RNLS: variants seen among roughly 807,000 people sequenced by gnomAD.
RNLS encodes renalase.
RNLS carries 39 observed loss-of-function variants against 39.8 expected under a neutral mutation model. That is an observed-to-expected ratio of 0.98 (90% CI 0.76 to 1.28). RNLS has a LOEUF of 1.28. Among genes scored for constraint, RNLS ranks in the 50% most tolerant of loss-of-function variants. The pLI is 0.00. For missense variants in RNLS, 410 were observed against 413.3 expected (o/e 0.99, Z 0.07); for synonymous variants, 147 against 150.7 (o/e 0.98, Z 0.18).
intron 4 of RNLS, among the ~76,000 whole-genome samples, chr10:88,394,507 CCA>C (rs1322520574): frequency 2.0e-5 from 3 of 152,192 alleles, no homozygotes. Flanking sequence ...CCATCTCACG[CCA>C]GTTAGAATGG....
intron 4 of RNLS, among the ~76,000 whole-genome samples, chr10:88,440,307 G>A (rs561332130): frequency 6.6e-6 from 1 of 152,284 alleles, no homozygotes; most frequent in East Asian, 1.9e-4. Flanking sequence ...TGGTAGAAAA[G>A]ATCATCTGTG....
chr10:88,449,549 T>G (rs952963114), intron 4 of RNLS, among the ~76,000 whole-genome samples: 3 of 152,194 alleles, frequency 2.0e-5, no homozygotes, highest in Non-Finnish European at 4.4e-5. Flanking sequence ...TATTAACTCA[T>G]GAACTCATGA....
the RNLS span, among the ~76,000 whole-genome samples, chr10:88,196,351 C>G: frequency 1.3e-5 from 2 of 152,226 alleles, no homozygotes; most frequent in Admixed American, 6.5e-5. Context: ...TAGATCCTCT[C>G]TATCTATTCT....
In RNLS at chr10:88,502,297, G is replaced by T. The variant is rs180910992; in HGVS notation, c.526+70606C>A. ...AGGAGGAGGCCCTTTAGCAGAGGTGGGGTAGGGTTGAATGAGTTCTCCTGG... is the reference window on the plus strand; with the variant it reads ...AGGAGGAGGCCCTTTAGCAGAGGTGTGGTAGGGTTGAATGAGTTCTCCTGG... On this transcript the variant is annotated intron_variant, in intron 4 of 6. Coordinates refer to ENST00000331772, the MANE Select transcript of RNLS (RefSeq NM_001031709.3). Among the ~76,000 whole-genome samples, 136 of 145,608 alleles carry T rather than the reference G, an allele frequency of 9.3e-4. No homozygotes were observed. In the Middle Eastern group the frequency reaches 0.017, roughly 19 times the overall value.
At chr10:88,518,336 C>T (rs1051129598) in intron 4 of RNLS, among the ~76,000 whole-genome samples, 2 of 151,626 alleles carry the variant, frequency 1.3e-5, no homozygotes, top group African/African-American at 4.8e-5. Context: ...GATTTTTATT[C>T]CCTACAGTAA....
At chr10:88,299,746 G>T (rs1844373279) in intron 6 of RNLS, among the ~76,000 whole-genome samples, 1 of 152,180 alleles carries the variant, frequency 6.6e-6, no homozygotes, top group Non-Finnish European at 1.5e-5. Context: ...GTTAATTTTT[G>T]TATATTCTGT....
chr10:88,388,546 T>C (rs1852001713), intron 4 of RNLS, among the ~76,000 whole-genome samples: 1 of 152,136 alleles, frequency 6.6e-6, no homozygotes, highest in Non-Finnish European at 1.5e-5. Context: ...TCTTTCCAGC[T>C]GAAGAGACTT....
chr10:88,543,144 T>C (rs1348086581), intron 4 of RNLS, among the ~76,000 whole-genome samples: 1 of 152,172 alleles, frequency 6.6e-6, no homozygotes, highest in East Asian at 1.9e-4. Context: ...CTTAAAGGAT[T>C]ACTACAGAAT....
chr10:88,472,835 C>A (rs1843620488), intron 4 of RNLS, among the ~76,000 whole-genome samples: 1 of 152,162 alleles, frequency 6.6e-6, no homozygotes, highest in Non-Finnish European at 1.5e-5. Flanking sequence ...ACATTTTTAA[C>A]AAGCACTCAG....
At chr10:88,495,710 C>G (rs1399869435) in intron 4 of RNLS, among the ~76,000 whole-genome samples, 1 of 151,692 alleles carries the variant, frequency 6.6e-6, no homozygotes, top group African/African-American at 2.4e-5. Context: ...AAGAGTGGGG[C>G]AGGGATGGGA....
intron 5 of RNLS, among the ~76,000 whole-genome samples, chr10:88,321,005 C>T (rs1221766793): frequency 6.6e-6 from 1 of 151,612 alleles, no homozygotes; most frequent in African/African-American, 2.4e-5. Context: ...ATGTTTTTCT[C>T]ATCTGTGCAC....
chr10:88,507,605 T>C (rs576698939), intron 4 of RNLS, among the ~76,000 whole-genome samples: 3 of 152,142 alleles, frequency 2.0e-5, no homozygotes, highest in Non-Finnish European at 4.4e-5. Context: ...TGCTAACATC[T>C]GCACTGATGA....
At chr10:88,395,089 T>C (rs1231270171) in intron 4 of RNLS, among the ~76,000 whole-genome samples, 1 of 152,080 alleles carries the variant, frequency 6.6e-6, no homozygotes, top group East Asian at 1.9e-4. Flanking sequence ...ATATACCTAA[T>C]GCTAAATGAC....
chr10:88,487,019 T>C (rs1317879961), intron 4 of RNLS, among the ~76,000 whole-genome samples: 1 of 152,134 alleles, frequency 6.6e-6, no homozygotes, highest in Non-Finnish European at 1.5e-5. Flanking sequence ...TGGAATACAA[T>C]GCAGCCATAA....
chr10:88,354,420 A>C (rs1211291669), intron 5 of RNLS, among the ~76,000 whole-genome samples: 3 of 152,136 alleles, frequency 2.0e-5, no homozygotes, highest in Non-Finnish European at 4.4e-5. Flanking sequence ...GGTGGTGACA[A>C]AAATCTCTCA....
intron 5 of RNLS, among the ~76,000 whole-genome samples, chr10:88,343,284 T>C (rs1848086695): frequency 6.6e-6 from 1 of 151,508 alleles, no homozygotes; most frequent in Admixed American, 6.6e-5. Context: ...GAGAAGTGAA[T>C]TCAAAGTCTA....
intron 6 of RNLS, among the ~76,000 whole-genome samples, chr10:88,304,296 T>G (rs539272908): frequency 6.6e-6 from 1 of 152,260 alleles, no homozygotes; most frequent in South Asian, 2.1e-4. Context: ...GTGCCTTCTT[T>G]CCTCCAAATG....
chr10:88,563,918 C>T (rs985661244), intron 4 of RNLS, among the ~76,000 whole-genome samples: 1 of 152,124 alleles, frequency 6.6e-6, no homozygotes, highest in African/African-American at 2.4e-5. Flanking sequence ...AACTTTTCTA[C>T]ATTGAAATAA....
the RNLS span, among the ~76,000 whole-genome samples, chr10:88,266,606 A>T: frequency 6.6e-6 from 1 of 151,948 alleles, no homozygotes; most frequent in East Asian, 1.9e-4. Context: ...TTGGTCTTGC[A>T]AACAGAAATA....
Sources: allele counts gnomAD v4.1 joint callset (sites outside exome capture counted in the v4.1 genomes callset), GRCh38; gene constraint gnomAD v4.1.1; transcripts MANE v1.5; gene names NCBI Gene and HGNC (gene_info 2026-07-23, HGNC 2026-07-21).